Variants in FLNC observed in about 807,000 individuals in gnomAD.
The protein encoded by FLNC is filamin-C.
A neutral mutation model predicts 254.3 loss-of-function variants in FLNC; 91 were observed. The ratio of observed to expected loss-of-function variants is 0.36; its 90% CI spans 0.30 to 0.43. The LOEUF (loss-of-function observed/expected upper bound fraction) is 0.43, where lower values mean the gene tolerates loss of function less well. Ranked by LOEUF, FLNC falls within the 20% of genes least tolerant of loss-of-function variation. The probability of loss-of-function intolerance (pLI) is 1.00; values close to 1 mark genes in which losing one functional copy is unlikely to be tolerated. For synonymous variants in FLNC, 1,430 were observed against 1,577.2 expected (o/e 0.91, Z 2.21); for missense variants, 2,853 against 3,802.6 (o/e 0.75, Z 6.57).
Position 128,854,135 on chromosome 7 carries a change from G to A in FLNC, c.6646G>A (p.Asp2216Asn), listed in dbSNP as rs1808947656. 2.5e-6 allele frequency: 4 copies of A among 1,612,744 alleles called. No individual in the cohort carries two copies. Among genetic ancestry groups the A allele is most frequent in the Non-Finnish European group, 3.4e-6 (4 of 1,179,872 alleles). The change falls in exon 40 of 48, where the codon GAC (aspartate) becomes AAC (asparagine). Residue 2216 changes from aspartate (D) to asparagine (N), a missense_variant. Coordinates refer to ENST00000325888, the MANE Select transcript of FLNC (RefSeq NM_001458.5). ...GGAGGAGTCCACCCAGGTCGGCGGG[G>A]ACCCCTTCCCTGCTGTGTTTGGGGA... is the stretch of plus-strand genomic sequence containing the variant. ...RVEESTQVGG[D>N]PFPAVFGDFL...
Position 128,835,649 on chromosome 7 carries a change from C to A in FLNC, c.601+75C>A, listed in dbSNP as rs1004139171. 4.6e-6 allele frequency: 7 copies of A among 1,536,958 alleles called. No individual in the cohort carries two copies. Among genetic ancestry groups the A allele is most frequent in the Middle Eastern group, 1.8e-4 (1 of 5,476 alleles). ...AGGGGACAAGCTGGGGCTGCCAAGG[C>A]GTGTGGTTGTCAGAATGCACACCCT... On this transcript the variant is annotated intron_variant, in intron 2 of 47. Transcript: ENST00000325888. This position sits in a 1 kb window ranked among gnomAD's most constrained non-coding sequence, Gnocchi z 5.3.
chr7:128,843,135 G>T (rs1328308493), intron 16 of FLNC, 94 bp from the exon 17 acceptor site: 5 of 1,409,210 alleles, frequency 3.5e-6, no homozygotes, highest in Non-Finnish European at 4.9e-6. Flanking sequence ...CCCTGTCCAT[G>T]CTGGGTCCCC....
rs1585157817 is a variant in FLNC at position 128,842,773 on chromosome 7, G to T, written c.2390-21G>T. The stretch of plus-strand genomic sequence containing the variant: ...AGTCGGGGGCTGAGCCCAACTCACA[G>T]CAGTGCCCGCTTCTCTGCAGGCGAC... On this transcript the variant is annotated intron_variant, in intron 15 of 47. Coordinates refer to ENST00000325888, the MANE Select transcript of FLNC (RefSeq NM_001458.5). The surrounding 1 kb of genome is among the most constrained non-coding windows in gnomAD (Gnocchi z 5.4). 1 of 1,612,550 alleles carries T rather than the reference G, an allele frequency of 6.2e-7. No homozygotes were observed. Among genetic ancestry groups the T allele is most frequent in the East Asian group, 2.2e-5 (1 of 44,834 alleles).
In FLNC at chr7:128,856,543, C is replaced by T; in HGVS notation, c.7277C>T (p.Pro2426Leu). 1 of 1,612,950 alleles carries T rather than the reference C, an allele frequency of 6.2e-7. No individual in the cohort carries two copies. Among genetic ancestry groups the T allele is most frequent in the Non-Finnish European group, 8.5e-7 (1 of 1,180,020 alleles). Residue 2426 changes from proline to leucine, a missense_variant, in exon 44 of 48, where the codon CCA becomes CTA. Pro to Leu is a moderately conservative substitution (Grantham distance 98, BLOSUM62 -3). This residue lies in a region of FLNC where 551 missense variants were observed against 835.0 expected (regional missense o/e 0.66). Coordinates refer to ENST00000325888, the MANE Select transcript of FLNC (RefSeq NM_001458.5). This position sits in a 1 kb window ranked among gnomAD's most constrained non-coding sequence, Gnocchi z 5.9. ...GAGACGGGGCTCAAGGTGAACCAGC[C>T]AGCGTCCTTTGCCGTGCAGCTGAAC... ...LQETGLKVNQ[P>L]ASFAVQLNGA...
rs1460201102 is a variant in FLNC, at chr7:128,848,650, G to C, written c.4670G>C (p.Ser1557Thr). The change falls in exon 27 of 48, where the codon AGC (serine) becomes ACC (threonine). Residue 1557 changes from serine to threonine, a missense_variant. Physicochemically the swap from Ser to Thr is moderately conservative, Grantham distance 58. Transcript: ENST00000325888. ...CTCAACGCCTCTGGCATCCCTGCCAGCCTGCCTGTGGAGTTCACCATCGAC... is the reference window on the plus strand; with the variant it reads ...CTCAACGCCTCTGGCATCCCTGCCACCCTGCCTGTGGAGTTCACCATCGAC... ...PGLNASGIPASLPVEFTIDAR... is the reference protein window; with the variant it reads ...PGLNASGIPATLPVEFTIDAR... 6.2e-7 allele frequency: 1 copy of C among 1,613,436 alleles called. No homozygotes were observed. The highest frequency in any genetic ancestry group is 1.7e-5 in the Admixed American group (1 of 60,012).
chr7:128,851,169 G>T (rs748623291), intron 33 of FLNC, 63 bp from the exon 34 acceptor site: 1 of 1,611,664 alleles, frequency 6.2e-7, no homozygotes, highest in Non-Finnish European at 8.5e-7. Context: ...AAGGTGCTGG[G>T]GCCAAGGTGG....
Position 128,837,638 on chromosome 7 carries a change from C to T in FLNC, c.852C>T (p.Gly284=). 8.1e-6 allele frequency: 13 copies of T among 1,612,318 alleles called. No homozygotes were observed. The highest frequency in any genetic ancestry group is 1.0e-5 in the Non-Finnish European group (12 of 1,179,926). Residue 284 remains glycine, a splice_region_variant and synonymous_variant, in exon 5 of 48, where the codon GGC becomes GGT. Transcript: ENST00000325888. ...NPKKAIAYGP[G]IEPQGNTVLQ... is the part of the protein sequence containing the mutation. The stretch of plus-strand genomic sequence containing the variant: ...CTGGGCTCTGCTCCTGCCCCGTAGG[C>T]ATCGAGCCACAGGGCAACACCGTGC...
rs1482086309 is a variant in FLNC, at chr7:128,857,791, C to T, written c.7781-217C>T. On this transcript the variant is annotated intron_variant, in intron 46 of 47. Coordinates refer to ENST00000325888, the MANE Select transcript of FLNC (RefSeq NM_001458.5). This position sits in a 1 kb window ranked among gnomAD's most constrained non-coding sequence, Gnocchi z 4.5. Reference sequence around the variant, plus strand: ...ATGAGGGACGCAGCATCTGAGGCCCCAGCCCTAGGGTGGAGCACCAGTTGG... The same window carrying T: ...ATGAGGGACGCAGCATCTGAGGCCCTAGCCCTAGGGTGGAGCACCAGTTGG... Among the ~76,000 whole-genome samples the T allele has an allele frequency of 1.3e-5, 2 of 152,164 alleles. No homozygotes were observed. Among genetic ancestry groups the T allele is most frequent in the African/African-American group, 2.4e-5 (1 of 41,400 alleles).
At position 128,835,516 on chromosome 7, in the gene FLNC, C is replaced by T. The variant is rs2128933683; in HGVS notation, c.543C>T (p.Phe181=). The T allele has an allele frequency of 7.4e-6, 12 of 1,613,746 alleles. No individual in the cohort carries two copies. The highest frequency in any genetic ancestry group is 1.0e-5 in the Non-Finnish European group (12 of 1,180,026). The change falls in exon 2 of 48, where the codon TTC becomes TTT. Residue 181 remains phenylalanine (F), a synonymous_variant. Coordinates refer to ENST00000325888, the MANE Select transcript of FLNC (RefSeq NM_001458.5). This position sits in a 1 kb window ranked among gnomAD's most constrained non-coding sequence, Gnocchi z 5.3. ...TGCCCCAGCTGCCCATCACCAACTT[C>T]AACCGTGACTGGCAGGACGGCAAAG... ...NKVPQLPITN[F]NRDWQDGKAL...
At chr7:128,853,923 C>T in intron 39 of FLNC, 51 bp from the exon 40 acceptor site, 1 of 1,613,108 alleles carries the variant, frequency 6.2e-7, no homozygotes. Flanking sequence ...CTCCACCCTG[C>T]TTCCTCACCC....
Position 128,852,766 on chromosome 7 carries a change from C to T in FLNC, c.6004+14C>T, listed in dbSNP as rs1585167837. The T allele has an allele frequency of 6.2e-7, 1 of 1,613,242 alleles. No homozygotes were observed. Among genetic ancestry groups the T allele is most frequent in the South Asian group, 1.1e-5 (1 of 91,082 alleles). ...ACCGGCACATTGGTGAGCGTGGGGC[C>T]TCACGGGGACCTCAGGGGTGGGGGC... On this transcript the variant is annotated intron_variant, in intron 36 of 47. Transcript: ENST00000325888.
In FLNC at chr7:128,850,469, AAGGGGAGCTCAC is replaced by A; in HGVS notation, c.5388_5398+1del. On this transcript the variant is annotated inframe_deletion and splice_region_variant, in exon 32 of 48. Coordinates refer to ENST00000325888, the MANE Select transcript of FLNC (RefSeq NM_001458.5). ...CTGGTCATCCCCTTCGCGGTGCAGA[AAGGGGAGCTCAC>A]AGGTACTGCCCTGTGGCTCCCAGGC... 6.2e-7 allele frequency: 1 copy of A among 1,613,418 alleles called. No individual in the cohort carries two copies. Among genetic ancestry groups the A allele is most frequent in the Non-Finnish European group, 8.5e-7 (1 of 1,179,856 alleles).
chr7:128,830,620 C>T lies in FLNC; in HGVS notation c.-18C>T, dbSNP rs772928084. On this transcript the variant is annotated 5_prime_UTR_variant, in exon 1 of 48. Transcript: ENST00000325888. ...AACCGCGGCCCTAGCCCCGGCCGCA[C>T]CCCCAGCCCGCGCCAGCATGATGAA... 3 of 1,610,060 alleles carry T rather than the reference C, an allele frequency of 1.9e-6. No individual in the cohort carries two copies. The highest frequency in any genetic ancestry group is 1.3e-5 in the African/African-American group (1 of 74,856).
In FLNC at chr7:128,830,627, C is replaced by A; in HGVS notation, c.-11C>A. 1.2e-6 allele frequency: 2 copies of A among 1,611,370 alleles called. No homozygotes were observed. Among genetic ancestry groups the A allele is most frequent in the Non-Finnish European group, 1.7e-6 (2 of 1,179,276 alleles). On this transcript the variant is annotated 5_prime_UTR_variant, in exon 1 of 48. Coordinates refer to ENST00000325888, the MANE Select transcript of FLNC (RefSeq NM_001458.5). Reference sequence around the variant, plus strand: ...GCCCTAGCCCCGGCCGCACCCCCAGCCCGCGCCAGCATGATGAACAACAGC... The same window carrying A: ...GCCCTAGCCCCGGCCGCACCCCCAGACCGCGCCAGCATGATGAACAACAGC...
At chr7:128,849,730 T>C in intron 30 of FLNC, 152 bp downstream of exon 30, 1 of 1,076,346 alleles carries the variant, frequency 9.3e-7, no homozygotes, top group Non-Finnish European at 1.4e-6. Flanking sequence ...GCCTTAACTT[T>C]CCCCACAGCA....
At chr7:128,852,259 C>T (rs1034434642) in intron 35 of FLNC, among the ~76,000 whole-genome samples, 1 of 152,218 alleles carries the variant, frequency 6.6e-6, no homozygotes, top group African/African-American at 2.4e-5. Flanking sequence ...TACAGCCACA[C>T]AGCGAGGAAG....
chr7:128,841,213 C>G lies in FLNC; in HGVS notation c.1857C>G (p.Asp619Glu), dbSNP rs771469976. The change falls in exon 12 of 48, where the codon GAC becomes GAG. Residue 619 changes from aspartate to glutamate, a missense_variant. Transcript: ENST00000325888. The surrounding 1 kb of genome is among the most constrained non-coding windows in gnomAD (Gnocchi z 4.3). ...CCTCACAAGCCAAGATCGAATGTGA[C>G]GACAAGGGGGATGGCTCCTGCGATG... ...EGPSQAKIECDDKGDGSCDVR... is the reference protein window; with the variant it reads ...EGPSQAKIECEDKGDGSCDVR... 1 of 1,614,062 alleles carries G rather than the reference C, an allele frequency of 6.2e-7. No individual in the cohort carries two copies. Among genetic ancestry groups the G allele is most frequent in the Admixed American group, 1.7e-5 (1 of 60,018 alleles).
In FLNC at chr7:128,835,644, C is replaced by T; in HGVS notation, c.601+70C>T. On this transcript the variant is annotated intron_variant, in intron 2 of 47. Transcript: ENST00000325888. The surrounding 1 kb of genome is among the most constrained non-coding windows in gnomAD (Gnocchi z 5.3). ...GACAGAGGGGACAAGCTGGGGCTGCCAAGGCGTGTGGTTGTCAGAATGCAC... is the reference window on the plus strand; with the variant it reads ...GACAGAGGGGACAAGCTGGGGCTGCTAAGGCGTGTGGTTGTCAGAATGCAC... The T allele has an allele frequency of 6.4e-7, 1 of 1,554,382 alleles. No homozygotes were observed. Among genetic ancestry groups the T allele is most frequent in the Non-Finnish European group, 8.8e-7 (1 of 1,136,488 alleles).
Position 128,848,065 on chromosome 7 carries a change from G to A in FLNC, c.4577G>A (p.Arg1526His), listed in dbSNP as rs374729872. The A allele has an allele frequency of 5.0e-6, 8 of 1,602,828 alleles. No individual in the cohort carries two copies. The highest frequency in any genetic ancestry group is 2.3e-5 in the East Asian group (1 of 44,192). The change falls in exon 26 of 48, where the codon CGC becomes CAC. Residue 1526 changes from arginine (R) to histidine (H), a missense_variant. Physicochemically the swap from Arg to His is conservative, Grantham distance 29. Around this residue, in one of 10 missense-constraint regions of FLNC, gnomAD observed 1,573 missense variants for 1,883.5 expected, o/e 0.84. Coordinates refer to ENST00000325888, the MANE Select transcript of FLNC (RefSeq NM_001458.5). ...AAGTATGCTGACCAGGAGGTGCCAC[G>A]CAGGTGAGGACCAGCCCTGGGCTCC... ...AVKYADQEVP[R>H]SPFKIKVLPA...
Sources: allele counts gnomAD v4.1 joint callset (sites outside exome capture counted in the v4.1 genomes callset), GRCh38; gene constraint gnomAD v4.1.1; regional missense constraint gnomAD v4.1.1; non-coding constraint Gnocchi (gnomAD v3.1); transcripts MANE v1.5; gene names NCBI Gene and HGNC (gene_info 2026-07-23, HGNC 2026-07-21).